Variants in PCDHA3 observed in about 807,000 individuals in gnomAD.
The protein encoded by PCDHA3 is protocadherin alpha-3.
Under a neutral mutation model 62.2 loss-of-function variants are expected in PCDHA3, and 41 were observed. That is an observed-to-expected ratio of 0.66 (90% CI 0.51 to 0.86). The LOEUF is 0.86. Among genes scored for constraint, PCDHA3 ranks in the 40% least tolerant of loss-of-function variants. The pLI is 0.00. For synonymous variants in PCDHA3, 640 were observed against 555.4 expected (o/e 1.15, Z -2.14); for missense variants, 1,304 against 1,241.2 (o/e 1.05, Z -0.76).
At chr5:140,831,362 A>ATG (rs2150193991) in intron 1 of PCDHA3, 80,403 of 149,344 alleles carry the variant, frequency 0.54, 21,753 homozygotes, top group Middle Eastern at 0.63. Flanking sequence ...ACTATTTTGT[A>ATG]TGTGTGTGTG....
chr5:140,831,244 C>G (rs1554133154), intron 1 of PCDHA3: 1 of 152,156 alleles, frequency 6.6e-6, no homozygotes, highest in African/African-American at 2.4e-5. Flanking sequence ...CATTGCGGCT[C>G]TCTTATTTCT....
chr5:140,805,306 T>C, intron 1 of PCDHA3: 1 of 1,274,934 alleles, frequency 7.8e-7, no homozygotes, highest in Non-Finnish European at 9.9e-7. Flanking sequence ...GAATTCTTCC[T>C]CCTTTTTTCC....
At chr5:140,857,819 G>A in intron 1 of PCDHA3, 1 of 1,597,752 alleles carries the variant, frequency 6.3e-7, no homozygotes, top group Non-Finnish European at 8.6e-7. Context: ...TCACGTGGTG[G>A]CTAAGGTGCG....
chr5:140,887,025 T>G (rs1352119867), intron 1 of PCDHA3, among the ~76,000 whole-genome samples: 3 of 152,076 alleles, frequency 2.0e-5, no homozygotes, highest in Non-Finnish European at 4.4e-5. Context: ...CCTGAAAAAT[T>G]TCTTTAATAT....
intron 1 of PCDHA3, among the ~76,000 whole-genome samples, chr5:140,945,880 A>G (rs1210743057): frequency 6.6e-6 from 1 of 152,136 alleles, no homozygotes; most frequent in Non-Finnish European, 1.5e-5. Flanking sequence ...TAAAACTAAC[A>G]AAGAAAACAC....
chr5:140,857,383 C>T (rs781834606), intron 1 of PCDHA3: 2 of 1,598,150 alleles, frequency 1.3e-6, no homozygotes, highest in Admixed American at 1.7e-5. Context: ...TGGAGGTGGC[C>T]GACGTGAACG....
chr5:140,927,317 G>A lies in PCDHA3; in HGVS notation c.2395-51632G>A, dbSNP rs782172424. ...CCCGAGTTCCTGACGCCCGGAGCCCGCTTTACTCTCCCGAATGCCCAAGAT... is the reference window on the plus strand; with the variant it reads ...CCCGAGTTCCTGACGCCCGGAGCCCACTTTACTCTCCCGAATGCCCAAGAT... On this transcript the variant is annotated intron_variant, in intron 1 of 3. Coordinates refer to ENST00000522353, the MANE Select transcript of PCDHA3 (RefSeq NM_018906.3). 3.2e-5 allele frequency: 52 copies of A among 1,614,146 alleles called. 1 individual carries two copies. The South Asian group carries it at 5.2e-4, about 16-fold the overall frequency.
chr5:140,940,756 T>A (rs782132428), intron 1 of PCDHA3, among the ~76,000 whole-genome samples: 23 of 152,246 alleles, frequency 1.5e-4, no homozygotes, highest in Non-Finnish European at 2.8e-4. Context: ...GTGTGCCAAC[T>A]TTTATTTGAC....
chr5:140,976,933 A>G (rs1554238099), intron 1 of PCDHA3, among the ~76,000 whole-genome samples: 1 of 152,198 alleles, frequency 6.6e-6, no homozygotes, highest in African/African-American at 2.4e-5. Context: ...CTGTGTAGCT[A>G]CTTAAAACAT....
chr5:140,823,662 G>A (rs1385284289), intron 1 of PCDHA3: 4 of 1,613,946 alleles, frequency 2.5e-6, no homozygotes, highest in African/African-American at 2.7e-5. Context: ...ACACAGGCGA[G>A]ATCAGCACAA....
intron 3 of PCDHA3, among the ~76,000 whole-genome samples, chr5:140,999,230 G>A (rs2097851745): frequency 6.6e-6 from 1 of 152,194 alleles, no homozygotes; most frequent in Non-Finnish European, 1.5e-5. Flanking sequence ...TTTGAGAATA[G>A]GTGGTTAAAG....
chr5:140,868,940 A>C, intron 1 of PCDHA3: 1 of 1,249,404 alleles, frequency 8.0e-7, no homozygotes, highest in South Asian at 1.6e-5. Context: ...GGTTGGTCTG[A>C]ACAGTGAGGC....
chr5:140,978,295 A>G (rs1222694864), intron 1 of PCDHA3, among the ~76,000 whole-genome samples: 2 of 152,246 alleles, frequency 1.3e-5, no homozygotes, highest in Non-Finnish European at 2.9e-5. Context: ...GAGGAGGGAA[A>G]GCACTCAGGA....
intron 1 of PCDHA3, chr5:140,842,295 A>T (rs2150333615): frequency 2.5e-6 from 4 of 1,610,380 alleles, no homozygotes; most frequent in Non-Finnish European, 3.4e-6. Flanking sequence ...GCCACGGACA[A>T]AGGCCATCCT....
intron 1 of PCDHA3, chr5:140,807,060 A>G (rs1763837295): frequency 1.8e-6 from 2 of 1,107,310 alleles, no homozygotes; most frequent in East Asian, 2.4e-5. Flanking sequence ...TTCTTACTGG[A>G]AGGAACCATA....
At chr5:140,917,379 T>C (rs1393963383) in intron 1 of PCDHA3, among the ~76,000 whole-genome samples, 1 of 147,708 alleles carries the variant, frequency 6.8e-6, no homozygotes, top group African/African-American at 2.5e-5. Context: ...TCCACCTCAA[T>C]AGTCTGATGT....
chr5:140,812,973 C>T lies in PCDHA3; in HGVS notation c.2394+9382C>T, dbSNP rs1765206807. On this transcript the variant is annotated intron_variant, in intron 1 of 3. Coordinates refer to ENST00000522353, the MANE Select transcript of PCDHA3 (RefSeq NM_018906.3). ...CCAGTTTTAATTCCAGTATTGATTT[C>T]TAGTTTTATTCCACTGTGGTCAGAA... The T allele has an allele frequency of 2.0e-5, 3 of 152,186 alleles. No homozygotes were observed. The South Asian group carries it at 6.2e-4, about 32-fold the overall frequency. The allele number at this position is 152,186 out of a possible 1,614,324, so 9.4% of individuals were successfully genotyped here. A position where few individuals can be genotyped will look rare whatever the true frequency, so the allele number is the denominator to read the frequency against.
rs995118768 is a variant in PCDHA3 at position 140,943,957 on chromosome 5, T to G, written c.2395-34992T>G. Among the ~76,000 whole-genome samples the G allele has an allele frequency of 2.6e-5, 4 of 152,224 alleles. No individual in the cohort carries two copies. The South Asian group carries it at 8.3e-4, about 32-fold the overall frequency. On this transcript the variant is annotated intron_variant, in intron 1 of 3. Coordinates refer to ENST00000522353, the MANE Select transcript of PCDHA3 (RefSeq NM_018906.3). ...TGTGGTTATAGGAGAAGCAGTGAAT[T>G]AAAGAGTTAAAGTAATTAAGAAAAC... is the stretch of plus-strand genomic sequence containing the variant.
chr5:140,966,516 G>A (rs967570115), intron 1 of PCDHA3: 27 of 436,614 alleles, frequency 6.2e-5, no homozygotes, highest in Admixed American at 4.4e-4. Flanking sequence ...GCAGCAGCAG[G>A]AAGCCGAGCC....
Sources: allele counts gnomAD v4.1 joint callset (sites outside exome capture counted in the v4.1 genomes callset), GRCh38; gene constraint gnomAD v4.1.1; transcripts MANE v1.5; gene names NCBI Gene and HGNC (gene_info 2026-07-23, HGNC 2026-07-21).